ROBO2: variants seen among roughly 807,000 people sequenced by gnomAD.
ROBO2 encodes roundabout homolog 2.
In ROBO2, 53 loss-of-function variants were observed where a neutral mutation model predicts 160.8. That is an observed-to-expected ratio of 0.33 (90% CI 0.26 to 0.41). ROBO2 has a LOEUF of 0.41. Among genes scored for constraint, ROBO2 ranks in the 10% least tolerant of loss-of-function variants. The pLI, the probability that ROBO2 is intolerant of heterozygous loss-of-function variation, is 1.00. For synonymous variants in ROBO2, 664 were observed against 611.7 expected, an observed-to-expected ratio of 1.09 and a Z score of -1.26; for missense variants, 1,577 against 1,722.4, an observed-to-expected ratio of 0.92 and a Z score of 1.49.
intron 2 of ROBO2, among the ~76,000 whole-genome samples, chr3:76,731,189 A>G (rs2093632892): frequency 6.6e-6 from 1 of 152,214 alleles, no homozygotes; most frequent in South Asian, 2.1e-4. Flanking sequence ...ATGTATGTCT[A>G]TTTTAACCAA....
chr3:77,288,759 A>C (rs1216180184), intron 2 of ROBO2, among the ~76,000 whole-genome samples: 1 of 152,156 alleles, frequency 6.6e-6, no homozygotes, highest in Non-Finnish European at 1.5e-5. Context: ...CTGGGGAAAA[A>C]AAAGGAGACG....
At chr3:77,390,390 T>C (rs2074597912) in intron 2 of ROBO2, among the ~76,000 whole-genome samples, 1 of 152,168 alleles carries the variant, frequency 6.6e-6, no homozygotes, top group South Asian at 2.1e-4. Flanking sequence ...CCACGTGTCA[T>C]GGGAGGCACC....
chr3:76,240,100 A>C (rs1327190511), intron 2 of ROBO2, among the ~76,000 whole-genome samples: 1 of 152,070 alleles, frequency 6.6e-6, no homozygotes, highest in Non-Finnish European at 1.5e-5. Flanking sequence ...GTGGAGTAGT[A>C]TTTACAAGGC....
intron 19 of ROBO2, among the ~76,000 whole-genome samples, chr3:77,599,662 A>T (rs1307264894): frequency 2.0e-5 from 3 of 152,028 alleles, no homozygotes; most frequent in Admixed American, 6.6e-5. Context: ...AAATAAATAA[A>T]AAATAAATAA....
At chr3:77,312,455 A>G (rs2063629544) in intron 2 of ROBO2, among the ~76,000 whole-genome samples, 1 of 152,234 alleles carries the variant, frequency 6.6e-6, no homozygotes, top group Non-Finnish European at 1.5e-5. Flanking sequence ...GCCTGTCTCT[A>G]ACCAAGGACA....
In ROBO2 at chr3:77,495,604, T is replaced by A. The variant is rs149972595; in HGVS notation, c.806+2222T>A. Among the ~76,000 whole-genome samples, 331 of 152,254 alleles carry A rather than the reference T, an allele frequency of 2.2e-3. 3 individuals are homozygous for A. Among genetic ancestry groups the A allele is most frequent in the African/African-American group, 7.6e-3 (317 of 41,546 alleles). ...TCTAGTTTTGTGACCTTAACAACCT[T>A]GAAGGGAAGTGCTGGCCAGGTATGC... is the stretch of plus-strand genomic sequence containing the variant. On this transcript the variant is annotated intron_variant, in intron 5 of 25. Transcript: ENST00000461745.
intron 2 of ROBO2, among the ~76,000 whole-genome samples, chr3:76,659,087 C>T (rs2110026272): frequency 6.6e-6 from 1 of 152,040 alleles, no homozygotes; most frequent in East Asian, 1.9e-4. Flanking sequence ...TGTTTCAGCT[C>T]CCTTAGAAAC....
At chr3:76,906,685 C>T (rs2075628942) in intron 2 of ROBO2, among the ~76,000 whole-genome samples, 1 of 152,006 alleles carries the variant, frequency 6.6e-6, no homozygotes, top group African/African-American at 2.4e-5. Context: ...AGTAAATGGC[C>T]TTGTTGAAAT....
At chr3:77,012,427 G>A (rs769594344) in intron 2 of ROBO2, among the ~76,000 whole-genome samples, 3 of 152,136 alleles carry the variant, frequency 2.0e-5, no homozygotes, top group Non-Finnish European at 4.4e-5. Context: ...AATTACAAAA[G>A]TTAAATGATT....
chr3:77,146,616 A>C (rs1237370736), intron 2 of ROBO2, among the ~76,000 whole-genome samples: 2 of 152,118 alleles, frequency 1.3e-5, no homozygotes, highest in African/African-American at 4.8e-5. Context: ...CATTGCAAAA[A>C]ATTGTCTAAT....
chr3:77,361,350 G>A (rs1042348757), intron 2 of ROBO2, among the ~76,000 whole-genome samples: 3 of 151,626 alleles, frequency 2.0e-5, no homozygotes, highest in South Asian at 4.1e-4. Context: ...TTTTTTCTTT[G>A]TTATTTATTT....
At chr3:76,225,241 A>G (rs1049522546) in intron 2 of ROBO2, among the ~76,000 whole-genome samples, 9 of 152,192 alleles carry the variant, frequency 5.9e-5, no homozygotes, top group South Asian at 2.1e-4. Context: ...AAATTTTTCA[A>G]TGGGCTTTCA....
chr3:77,255,593 G>A (rs2090836049), intron 2 of ROBO2, among the ~76,000 whole-genome samples: 1 of 152,190 alleles, frequency 6.6e-6, no homozygotes, highest in Admixed American at 6.5e-5. Flanking sequence ...CTCTTTTGGA[G>A]TTACTATCCA....
At chr3:77,317,410 AG>A in intron 2 of ROBO2, 1 of 1,305,934 alleles carries the variant, frequency 7.7e-7, no homozygotes, top group South Asian at 1.2e-5. Flanking sequence ...CTCGAGCCAT[AG>A]TCAGTCCATC....
intron 1 of ROBO2, among the ~76,000 whole-genome samples, chr3:75,921,345 G>T (rs1441038167): frequency 1.4e-5 from 2 of 139,514 alleles, no homozygotes; most frequent in East Asian, 5.6e-4. Flanking sequence ...ACAAGTGCAT[G>T]TGATATACAT....
chr3:76,376,726 T>G (rs2076364683), intron 2 of ROBO2, among the ~76,000 whole-genome samples: 1 of 152,102 alleles, frequency 6.6e-6, no homozygotes, highest in Non-Finnish European at 1.5e-5. Context: ...GGGAAAGTTT[T>G]AAGGGGCCAG....
chr3:76,330,489 C>G (rs1306170939), intron 2 of ROBO2, among the ~76,000 whole-genome samples: 1 of 152,082 alleles, frequency 6.6e-6, no homozygotes, highest in African/African-American at 2.4e-5. Context: ...AGTTTTATAA[C>G]AGAAATGTAA....
intron 2 of ROBO2, among the ~76,000 whole-genome samples, chr3:77,239,318 T>C (rs61419856): frequency 0.2 from 30,680 of 151,802 alleles, 3,507 homozygotes; most frequent in Middle Eastern, 0.33. Context: ...CTAGAGTTGT[T>C]CGTTCCTCCC....
At chr3:76,563,214 T>C (rs949268535) in intron 2 of ROBO2, among the ~76,000 whole-genome samples, 3 of 152,158 alleles carry the variant, frequency 2.0e-5, no homozygotes, top group Non-Finnish European at 4.4e-5. Flanking sequence ...AAAAAATGGA[T>C]ATTTAGCTCT....
Sources: allele counts gnomAD v4.1 joint callset (sites outside exome capture counted in the v4.1 genomes callset), GRCh38; gene constraint gnomAD v4.1.1; transcripts MANE v1.5; gene names NCBI Gene and HGNC (gene_info 2026-07-23, HGNC 2026-07-21).